Variants in DOCK10 observed in about 807,000 individuals in gnomAD.
DOCK10 encodes dedicator of cytokinesis protein 10.
A neutral mutation model predicts 280.1 loss-of-function variants in DOCK10; 145 were observed. The ratio of observed to expected loss-of-function variants is 0.52; its 90% CI spans 0.45 to 0.59. The LOEUF is 0.59. DOCK10 is among the 20% of genes least tolerant of loss of function. DOCK10 has a pLI of 0.00. For missense variants in DOCK10, 2,368 were observed against 2,651.7 expected, an observed-to-expected ratio of 0.89 and a Z score of 2.35; for synonymous variants, 915 against 942.2, an observed-to-expected ratio of 0.97 and a Z score of 0.53.
chr2:224,991,031 T>C (rs538581167), intron 1 of DOCK10, among the ~76,000 whole-genome samples: 1 of 152,360 alleles, frequency 6.6e-6, no homozygotes, highest in South Asian at 2.1e-4. Flanking sequence ...TCACAGTGAC[T>C]TTTGACCAGA....
At chr2:224,921,981 T>C (rs984922779) in intron 2 of DOCK10, among the ~76,000 whole-genome samples, 19 of 152,042 alleles carry the variant, frequency 1.2e-4, no homozygotes, top group African/African-American at 4.6e-4. Flanking sequence ...TAGCTGGGCA[T>C]GGTGGCACAT....
chr2:224,943,341 G>A (rs1456178346), intron 1 of DOCK10, among the ~76,000 whole-genome samples: 2 of 142,806 alleles, frequency 1.4e-5, no homozygotes, highest in Non-Finnish European at 3.2e-5. Context: ...GCTTCAAATA[G>A]CATTTGAAAA....
chr2:224,935,574 G>A (rs1031874364), intron 1 of DOCK10, among the ~76,000 whole-genome samples: 2 of 152,092 alleles, frequency 1.3e-5, no homozygotes, highest in Admixed American at 1.3e-4. Context: ...CTTCAGCCGT[G>A]GTAATTAAAA....
rs1691714050 is a variant in DOCK10, at chr2:224,786,111, G to A, written c.5655+911C>T. On this transcript the variant is annotated intron_variant, in intron 50 of 55. Transcript: ENST00000258390. The surrounding 1 kb of genome is among the most constrained non-coding windows in gnomAD (Gnocchi z 4.7). ...CTCGGGAGGCTGAGGCAGGAGAATT[G>A]CTTGAACCGGGACCCAGGAGGCGGA... Among the ~76,000 whole-genome samples the A allele has an allele frequency of 6.6e-6, 1 of 152,152 alleles. No individual in the cohort carries two copies. The highest frequency in any genetic ancestry group is 1.5e-5 in the Non-Finnish European group (1 of 68,016).
At chr2:224,921,495 C>T (rs1208255893) in intron 2 of DOCK10, among the ~76,000 whole-genome samples, 2 of 151,336 alleles carry the variant, frequency 1.3e-5, no homozygotes, top group Non-Finnish European at 2.9e-5. Flanking sequence ...TGTTCACATC[C>T]AATTTATGAG....
chr2:224,797,894 C>G lies in DOCK10; in HGVS notation c.4582G>C (p.Val1528Leu). 6.2e-7 allele frequency: 1 copy of G among 1,613,816 alleles called. No individual in the cohort carries two copies. The highest frequency in any genetic ancestry group is 8.5e-7 in the Non-Finnish European group (1 of 1,179,800). Residue 1528 changes from valine (V) to leucine (L), a missense_variant, in exon 42 of 56, where the codon GTC becomes CTC. Physicochemically the swap from Val to Leu is conservative, Grantham distance 32. Coordinates refer to ENST00000258390, the MANE Select transcript of DOCK10 (RefSeq NM_014689.3). ...VFDTYMLFFQVNQSATALKHV... is the reference protein window; with the variant it reads ...VFDTYMLFFQLNQSATALKHV... ...TTCAGCGCTGTGGCTGACTGATTGA[C>G]TTGGAAAAAGAGCATGTAGGTATCA... is the stretch of plus-strand genomic sequence containing the variant.
chr2:224,804,186 C>T lies in DOCK10; in HGVS notation c.4194G>A (p.Val1398=). 6.2e-7 allele frequency: 1 copy of T among 1,611,014 alleles called. No individual in the cohort carries two copies. The highest frequency in any genetic ancestry group is 1.1e-5 in the South Asian group (1 of 90,818). ...IRKIAAAFKF[V]QSTQNNGTLK... The stretch of plus-strand genomic sequence containing the variant: ...GAGTTCCATTGTTCTGGGTGGACTG[C>T]ACAAATTTAAATGCAGCAGCAATTT... Residue 1398 remains valine, a synonymous_variant, in exon 39 of 56, where the codon GTG becomes GTA. Coordinates refer to ENST00000258390, the MANE Select transcript of DOCK10 (RefSeq NM_014689.3).
At chr2:224,844,223 C>T (rs574850302) in intron 22 of DOCK10, among the ~76,000 whole-genome samples, 6 of 152,158 alleles carry the variant, frequency 3.9e-5, no homozygotes, top group South Asian at 2.1e-4. Flanking sequence ...CTCTGCCTCC[C>T]GAGTTCAAGA....
intron 47 of DOCK10, among the ~76,000 whole-genome samples, chr2:224,791,953 G>A (rs1692226602): frequency 6.6e-6 from 1 of 152,142 alleles, no homozygotes; most frequent in Non-Finnish European, 1.5e-5. Context: ...AATGTTGTTT[G>A]TACACGGAGT....
At chr2:225,003,555 G>A (rs1384978003) in intron 1 of DOCK10, among the ~76,000 whole-genome samples, 4 of 152,162 alleles carry the variant, frequency 2.6e-5, no homozygotes, top group African/African-American at 9.7e-5. Flanking sequence ...TTGACTTCAT[G>A]TTTGACTGAA....
intron 40 of DOCK10, 73 bp downstream of exon 40, chr2:224,801,843 T>C: frequency 6.8e-7 from 1 of 1,481,358 alleles, no homozygotes; most frequent in Non-Finnish European, 9.3e-7. Context: ...GTGGTTTTAG[T>C]GCATTTCATG....
chr2:224,830,029 T>A (rs1406223605), intron 27 of DOCK10, among the ~76,000 whole-genome samples: 1 of 151,904 alleles, frequency 6.6e-6, no homozygotes, highest in African/African-American at 2.4e-5. Flanking sequence ...ATATAAAGAG[T>A]TGCTGTATCT....
rs771393066 is a variant in DOCK10, at chr2:224,864,622, G to C, written c.1533C>G (p.Ile511Met). Residue 511 changes from isoleucine (I) to methionine (M), a missense_variant, in exon 13 of 56, where the codon ATC becomes ATG. Transcript: ENST00000258390. ...PHSEIVLVAK[I>M]EKVLMGNIAS... ...CAATGTTTCCCATCAAGACTTTTTC[G>C]ATTTTGGCCACCAAAACAATTTCAG... The C allele has an allele frequency of 3.1e-6, 5 of 1,612,924 alleles. No individual in the cohort carries two copies. Among genetic ancestry groups the C allele is most frequent in the Non-Finnish European group, 8.5e-7 (1 of 1,179,698 alleles).
At chr2:224,864,842 C>A in intron 12 of DOCK10, 24 bp downstream of exon 12, 1 of 1,613,114 alleles carries the variant, frequency 6.2e-7, no homozygotes, top group African/African-American at 1.3e-5. Context: ...TTTTCCATCT[C>A]ATCACAAGTA....
chr2:224,885,752 A>C lies in DOCK10; in HGVS notation c.666T>G (p.Ile222Met), dbSNP rs777901669. The change falls in exon 7 of 56, where the codon ATT (isoleucine) becomes ATG (methionine). Residue 222 changes from isoleucine (I) to methionine (M), a missense_variant. By Grantham distance (10) the Ile-to-Met change is conservative. Around this residue, in one of 2 missense-constraint regions of DOCK10, gnomAD observed 1,209 missense variants for 1,250.9 expected, o/e 0.97. Coordinates refer to ENST00000258390, the MANE Select transcript of DOCK10 (RefSeq NM_014689.3). Reference protein sequence around the residue: ...QLTQLPDNSYIMNFYKDEKIS... With the variant: ...QLTQLPDNSYMMNFYKDEKIS... ...TTTTCTCATCTTTGTAAAAGTTCATAATGTAGGAGTTATCTGGTAACTGAG... is the reference window on the plus strand; with the variant it reads ...TTTTCTCATCTTTGTAAAAGTTCATCATGTAGGAGTTATCTGGTAACTGAG... 6.2e-7 allele frequency: 1 copy of C among 1,613,666 alleles called. No individual in the cohort carries two copies. The highest frequency in any genetic ancestry group is 8.5e-7 in the Non-Finnish European group (1 of 1,179,806).
intron 27 of DOCK10, among the ~76,000 whole-genome samples, chr2:224,825,494 C>A (rs1484753536): frequency 6.6e-6 from 1 of 152,198 alleles, no homozygotes; most frequent in Non-Finnish European, 1.5e-5. Context: ...CAAAAAGCAA[C>A]AGTCACCTTT....
chr2:224,956,694 C>G (rs1704064322), intron 1 of DOCK10, among the ~76,000 whole-genome samples: 1 of 149,866 alleles, frequency 6.7e-6, no homozygotes, highest in Non-Finnish European at 1.5e-5. Context: ...ACAGACCACA[C>G]TTTGAGAAAC....
At chr2:224,964,508 T>C (rs1293239991) in intron 1 of DOCK10, among the ~76,000 whole-genome samples, 1 of 152,140 alleles carries the variant, frequency 6.6e-6, no homozygotes, top group East Asian at 1.9e-4. Context: ...TCTTTCTTTT[T>C]TCTTTTTTTA....
chr2:224,779,653 G>GT (rs2125027388), intron 50 of DOCK10, among the ~76,000 whole-genome samples: 1 of 152,282 alleles, frequency 6.6e-6, no homozygotes, highest in African/African-American at 2.4e-5. Flanking sequence ...TAGGCAAAGT[G>GT]TTCCAGTGCT....
Sources: gnomAD v4.1 joint callset for allele counts (sites outside exome capture counted in the v4.1 genomes callset) on GRCh38, gnomAD v4.1.1 for gene constraint, gnomAD v4.1.1 regional missense constraint, Gnocchi (gnomAD v3.1) non-coding constraint, MANE v1.5 for transcripts, NCBI Gene and HGNC (gene_info 2026-07-23, HGNC 2026-07-21) for gene names.